Variants in KCNIP4 observed in about 807,000 individuals in gnomAD.
The protein encoded by KCNIP4 is Kv channel-interacting protein 4.
In KCNIP4, 12 loss-of-function variants were observed where a neutral mutation model predicts 34.0. The observed-to-expected ratio is 0.35, with a 90% CI of 0.23 to 0.57. The LOEUF is 0.57. Among genes scored for constraint, KCNIP4 ranks in the 20% least tolerant of loss-of-function variants. KCNIP4 has a pLI of 0.83. For synonymous variants in KCNIP4, 124 were observed against 102.2 expected (o/e 1.21, Z -1.29); for missense variants, 238 against 311.7 (o/e 0.76, Z 1.78).
intron 1 of KCNIP4, among the ~76,000 whole-genome samples, chr4:21,922,033 A>G (rs1435390269): frequency 6.6e-6 from 1 of 152,114 alleles, no homozygotes; most frequent in Non-Finnish European, 1.5e-5. Context: ...TCCCTATGTG[A>G]TAACTTCTCT....
chr4:21,772,034 A>G (rs1718830253), intron 1 of KCNIP4, among the ~76,000 whole-genome samples: 1 of 152,158 alleles, frequency 6.6e-6, no homozygotes, highest in African/African-American at 2.4e-5. Flanking sequence ...GCTTTTGCCC[A>G]TTCAATATGA....
intron 1 of KCNIP4, among the ~76,000 whole-genome samples, chr4:21,796,627 A>ATC (rs1286549148): frequency 6.6e-6 from 1 of 152,246 alleles, no homozygotes; most frequent in Non-Finnish European, 1.5e-5. Flanking sequence ...GGAGGTAGCC[A>ATC]TCTCTAAGCC....
intron 1 of KCNIP4, among the ~76,000 whole-genome samples, chr4:20,950,795 A>G (rs996033987): frequency 6.6e-6 from 1 of 152,094 alleles, no homozygotes; most frequent in Non-Finnish European, 1.5e-5. Flanking sequence ...CTTCAAACCA[A>G]TTTGATGCTG....
intron 3 of KCNIP4, among the ~76,000 whole-genome samples, chr4:20,785,975 T>C (rs552540818): frequency 1.3e-5 from 2 of 152,128 alleles, no homozygotes; most frequent in African/African-American, 4.8e-5. Context: ...AATAAATTGT[T>C]CTACTAAAAA....
At chr4:21,607,210 T>C (rs1194711630) in intron 1 of KCNIP4, among the ~76,000 whole-genome samples, 1 of 152,110 alleles carries the variant, frequency 6.6e-6, no homozygotes, top group Non-Finnish European at 1.5e-5. Flanking sequence ...TCTGGACTAA[T>C]GACACAGTCT....
chr4:21,869,634 G>C (rs1404370607), intron 1 of KCNIP4, among the ~76,000 whole-genome samples: 53 of 151,768 alleles, frequency 3.5e-4, no homozygotes, highest in African/African-American at 1.2e-3. Context: ...TCTCTCTTAT[G>C]TTTTCACTTT....
At chr4:21,831,443 A>G (rs2109305633) in intron 1 of KCNIP4, among the ~76,000 whole-genome samples, 1 of 152,026 alleles carries the variant, frequency 6.6e-6, no homozygotes, top group South Asian at 2.1e-4. Flanking sequence ...GGACTCAAAT[A>G]AAATCAGAAG....
chr4:21,005,418 C>T (rs1418568334), intron 1 of KCNIP4, among the ~76,000 whole-genome samples: 2 of 152,126 alleles, frequency 1.3e-5, no homozygotes, highest in Non-Finnish European at 2.9e-5. Flanking sequence ...CTCACTTTTT[C>T]CCACTTATTG....
At chr4:21,074,930 C>T (rs181980076) in intron 1 of KCNIP4, among the ~76,000 whole-genome samples, 3,773 of 152,258 alleles carry the variant, frequency 0.025, 68 homozygotes, top group Middle Eastern at 0.054. Context: ...TGTTCAGTTT[C>T]CATGTAGTTG....
intron 1 of KCNIP4, among the ~76,000 whole-genome samples, chr4:21,403,479 C>A (rs1359617299): frequency 6.6e-6 from 1 of 152,172 alleles, no homozygotes; most frequent in Non-Finnish European, 1.5e-5. Context: ...TTTAAAAATA[C>A]GTGCCAGATC....
At chr4:21,778,656 T>C (rs550924188) in intron 1 of KCNIP4, among the ~76,000 whole-genome samples, 4 of 152,300 alleles carry the variant, frequency 2.6e-5, no homozygotes, top group African/African-American at 9.6e-5. Context: ...AGAGCAAAGG[T>C]AGAAGCACAT....
At chr4:20,973,882 T>G (rs113217574) in intron 1 of KCNIP4, among the ~76,000 whole-genome samples, 1 of 152,190 alleles carries the variant, frequency 6.6e-6, no homozygotes, top group African/African-American at 2.4e-5. Context: ...ATGTAGTTCA[T>G]GGTGCTCCTA....
chr4:21,760,257 A>G (rs1234692341), intron 1 of KCNIP4, among the ~76,000 whole-genome samples: 1 of 152,092 alleles, frequency 6.6e-6, no homozygotes, highest in African/African-American at 2.4e-5. Context: ...TAGTGGTTCC[A>G]TGAATGACTG....
intron 1 of KCNIP4, among the ~76,000 whole-genome samples, chr4:21,470,169 G>T (rs913250474): frequency 6.6e-6 from 1 of 152,146 alleles, no homozygotes; most frequent in South Asian, 2.1e-4. Flanking sequence ...ATTAGAACGT[G>T]AAGGTTGGTA....
At chr4:21,067,506 G>A (rs1351125316) in intron 1 of KCNIP4, among the ~76,000 whole-genome samples, 4 of 152,086 alleles carry the variant, frequency 2.6e-5, no homozygotes, top group African/African-American at 4.8e-5. Flanking sequence ...GGGTCTGCCC[G>A]GCATTAGGAG....
chr4:20,851,178 C>T (rs772508506), intron 2 of KCNIP4, among the ~76,000 whole-genome samples: 1 of 152,136 alleles, frequency 6.6e-6, no homozygotes, highest in African/African-American at 2.4e-5. Flanking sequence ...AGCTGTTCTT[C>T]CTGATCCTCT....
At chr4:21,350,219 TCCAAAGA>T (rs941550490) in intron 1 of KCNIP4, among the ~76,000 whole-genome samples, 2 of 152,108 alleles carry the variant, frequency 1.3e-5, no homozygotes, top group African/African-American at 2.4e-5. Context: ...GAATTTTGAG[TCCAAAGA>T]CTACTTGAGT....
intron 3 of KCNIP4, among the ~76,000 whole-genome samples, chr4:20,783,710 C>CTAGG (rs1363292855): frequency 6.6e-6 from 1 of 152,146 alleles, no homozygotes; most frequent in Non-Finnish European, 1.5e-5. Flanking sequence ...ACACACTGAA[C>CTAGG]TAGGGCTCTA....
chr4:21,183,333 AT>A (rs906529524), intron 1 of KCNIP4, among the ~76,000 whole-genome samples: 33 of 151,538 alleles, frequency 2.2e-4, no homozygotes, highest in African/African-American at 7.3e-4. Context: ...TCTTCAATTT[AT>A]TTTTTTTCCT....
Sources: gnomAD v4.1 joint callset for allele counts (sites outside exome capture counted in the v4.1 genomes callset) on GRCh38, gnomAD v4.1.1 for gene constraint, MANE v1.5 for transcripts, NCBI Gene and HGNC (gene_info 2026-07-23, HGNC 2026-07-21) for gene names.